Variants in OR2L13 observed in about 807,000 individuals in gnomAD.
OR2L13 encodes the protein olfactory receptor 2L13.
A neutral mutation model predicts 15.3 loss-of-function variants in OR2L13; 14 were observed. The ratio of observed to expected loss-of-function variants is 0.91; its 90% CI spans 0.60 to 1.43. The LOEUF (loss-of-function observed/expected upper bound fraction) is 1.43. Among genes scored for constraint, OR2L13 ranks in the 40% most tolerant of loss-of-function variants. The pLI is 0.00. For missense variants in OR2L13, 367 were observed against 387.9 expected (o/e 0.95, Z 0.45); for synonymous variants, 152 against 142.9 (o/e 1.06, Z -0.45).
the OR2L13 span, chr1:248,041,533 T>G: frequency 6.6e-6 from 1 of 152,098 alleles, no homozygotes; most frequent in Non-Finnish European, 1.5e-5. Flanking sequence ...CTAAAGAGCT[T>G]CTGCACAGCA....
the OR2L13 span, among the ~76,000 whole-genome samples, chr1:248,051,736 A>T: frequency 4.6e-5 from 7 of 152,120 alleles, no homozygotes; most frequent in African/African-American, 1.7e-4. Context: ...ATAAAAAAAA[A>T]TCCAAAAATG....
At chr1:248,052,373 T>TGA in the OR2L13 span, among the ~76,000 whole-genome samples, 2 of 152,214 alleles carry the variant, frequency 1.3e-5, no homozygotes, top group Non-Finnish European at 1.5e-5. Context: ...ACTGTTGAGC[T>TGA]ATATGTCTGG....
At chr1:248,084,319 C>A in the OR2L13 span, 6 of 1,607,392 alleles carry the variant, frequency 3.7e-6, no homozygotes, top group Non-Finnish European at 2.6e-6. Context: ...CCACAGCCAG[C>A]GCGGGAGATG....
the OR2L13 span, chr1:248,038,637 G>T: frequency 3.5e-4 from 558 of 1,614,128 alleles, 7 homozygotes; most frequent in South Asian, 5.9e-3. Flanking sequence ...TCGTTATGTG[G>T]CCATTTGCTT....
chr1:248,085,681 A>G, the OR2L13 span, among the ~76,000 whole-genome samples: 1 of 152,162 alleles, frequency 6.6e-6, no homozygotes, highest in Non-Finnish European at 1.5e-5. Flanking sequence ...TTATAAGGAG[A>G]AAGTTATATA....
the OR2L13 span, among the ~76,000 whole-genome samples, chr1:248,034,490 G>A: frequency 1.3e-5 from 2 of 152,030 alleles, no homozygotes; most frequent in Non-Finnish European, 2.9e-5. Context: ...TTTTAGCATG[G>A]TTTTTCTATT....
At chr1:248,061,798 CA>C in the OR2L13 span, 1 of 475,918 alleles carries the variant, frequency 2.1e-6, no homozygotes. Context: ...TAACTCCAAA[CA>C]ACCTTTTTTC....
At chr1:247,973,861 A>T in the OR2L13 span, among the ~76,000 whole-genome samples, 3 of 152,198 alleles carry the variant, frequency 2.0e-5, no homozygotes, top group Non-Finnish European at 2.9e-5. Context: ...ATTGTGGGAG[A>T]CAGTGTGGCG....
exon 3 of OR2L13, chr1:248,100,233 C>T (rs2103204847): frequency 6.2e-7 from 1 of 1,613,302 alleles, no homozygotes; most frequent in Non-Finnish European, 8.5e-7. Context: ...TGCTCAATCC[C>T]ATTATCTACA....
chr1:248,038,618 G>T, the OR2L13 span: 1 of 1,614,152 alleles, frequency 6.2e-7, no homozygotes, highest in South Asian at 1.1e-5. Context: ...TGACATCAAT[G>T]GCCTATGATC....
At chr1:248,082,905 C>T in the OR2L13 span, among the ~76,000 whole-genome samples, 46 of 152,004 alleles carry the variant, frequency 3.0e-4, no homozygotes, top group Non-Finnish European at 3.1e-4. Context: ...GTCAAGGTAA[C>T]CTTAAAACAT....
chr1:248,069,352 G>T, the OR2L13 span, among the ~76,000 whole-genome samples: 4 of 152,098 alleles, frequency 2.6e-5, no homozygotes, highest in Non-Finnish European at 5.9e-5. Flanking sequence ...TTTCCACCCA[G>T]AATTTCATAT....
At chr1:248,021,151 G>A in the OR2L13 span, among the ~76,000 whole-genome samples, 1 of 152,058 alleles carries the variant, frequency 6.6e-6, no homozygotes, top group African/African-American at 2.4e-5. Context: ...CTGAGTTTGT[G>A]TTGGGCATCA....
At chr1:248,028,070 G>T in the OR2L13 span, among the ~76,000 whole-genome samples, 1 of 147,898 alleles carries the variant, frequency 6.8e-6, no homozygotes, top group African/African-American at 2.5e-5. Flanking sequence ...GAACCCAGGA[G>T]GCTGAGCTTG....
chr1:247,996,551 CA>C, the OR2L13 span, among the ~76,000 whole-genome samples: 20 of 152,262 alleles, frequency 1.3e-4, no homozygotes, highest in African/African-American at 4.3e-4. Flanking sequence ...GTAAAATAGT[CA>C]ATTTCTATGT....
chr1:248,100,374 A>G, exon 3 of OR2L13: 1 of 950,686 alleles, frequency 1.1e-6, no homozygotes, highest in Non-Finnish European at 1.6e-6. Context: ...AACACGCTAG[A>G]GCAGGGTTGT....
At chr1:248,065,668 A>G in the OR2L13 span, among the ~76,000 whole-genome samples, 1 of 140,554 alleles carries the variant, frequency 7.1e-6, no homozygotes, top group Admixed American at 8.0e-5. Context: ...CCCACCTATG[A>G]GTGAGAACAT....
the OR2L13 span, among the ~76,000 whole-genome samples, chr1:247,957,355 C>T: frequency 0.8 from 121,375 of 151,972 alleles, 52,648 homozygotes; most frequent in South Asian, 0.95. Context: ...CAGTATTTTA[C>T]TGAGGATTTT....
the OR2L13 span, among the ~76,000 whole-genome samples, chr1:248,018,243 C>T: frequency 3.3e-5 from 5 of 151,836 alleles, no homozygotes; most frequent in East Asian, 1.9e-4. Flanking sequence ...TCTGATGTGC[C>T]GTCTATTATT....
Sources: gnomAD v4.1 joint callset for allele counts (sites outside exome capture counted in the v4.1 genomes callset) on GRCh38, gnomAD v4.1.1 for gene constraint, MANE v1.5 for transcripts, NCBI Gene and HGNC (gene_info 2026-07-23, HGNC 2026-07-21) for gene names.